Variants in GPC6 observed in about 807,000 individuals in gnomAD.
GPC6 encodes the protein glypican 6.
In GPC6, 14 loss-of-function variants were observed where a neutral mutation model predicts 55.2. The ratio of observed to expected loss-of-function variants is 0.25; its 90% CI spans 0.17 to 0.40. The LOEUF (loss-of-function observed/expected upper bound fraction) is 0.40, where lower values mean the gene tolerates loss of function less well. Among genes scored for constraint, GPC6 ranks in the 10% least tolerant of loss-of-function variants. The pLI, the probability that GPC6 is intolerant of heterozygous loss-of-function variation, is 1.00. For missense variants in GPC6, 641 were observed against 708.5 expected (o/e 0.90, Z 1.08); for synonymous variants, 278 against 259.6 (o/e 1.07, Z -0.68).
At chr13:94,308,672 A>AT (rs1284088148) in intron 6 of GPC6, among the ~76,000 whole-genome samples, 4 of 152,122 alleles carry the variant, frequency 2.6e-5, no homozygotes, top group African/African-American at 7.2e-5. Flanking sequence ...AGTTTTACTG[A>AT]TTTTTTTATT....
At chr13:94,184,278 G>A (rs7986062) in intron 4 of GPC6, among the ~76,000 whole-genome samples, 20 of 151,604 alleles carry the variant, frequency 1.3e-4, no homozygotes, top group African/African-American at 4.8e-4. Flanking sequence ...TTGACAAGGG[G>A]GACCTAATTA....
rs568252589 is a variant in GPC6, at chr13:93,278,024, T to C, written c.160+50408T>C. On this transcript the variant is annotated intron_variant, in intron 1 of 8. Transcript: ENST00000377047. ...TTTACTATAGTTCCTGGAAAGAGTA[T>C]ATTGATACTGTAATAATATTTGTTT... Among the ~76,000 whole-genome samples the C allele has an allele frequency of 1.8e-4, 27 of 152,320 alleles. No homozygotes were observed. The South Asian group carries it at 3.5e-3, about 20-fold the overall frequency.
At chr13:93,563,049 G>T (rs1875891493) in intron 2 of GPC6, among the ~76,000 whole-genome samples, 1 of 152,162 alleles carries the variant, frequency 6.6e-6, no homozygotes, top group Non-Finnish European at 1.5e-5. Context: ...TCAGCAATGG[G>T]ATTCTCAGGC....
intron 1 of GPC6, among the ~76,000 whole-genome samples, chr13:93,529,476 A>G (rs1048197584): frequency 1.3e-5 from 2 of 149,082 alleles, no homozygotes; most frequent in Admixed American, 6.7e-5. Context: ...ACCTCAAAAC[A>G]TAGATGCTTC....
In GPC6 at chr13:93,443,692, C is replaced by A. The variant is rs186727671; in HGVS notation, c.161-101571C>A. Among the ~76,000 whole-genome samples the A allele has an allele frequency of 3.4e-4, 51 of 152,222 alleles. 1 individual carries two copies. The highest frequency in any genetic ancestry group is 3.4e-3 in the Middle Eastern group (1 of 292). ...TGTTAGTCTGAGGTTATTGATTTCA[C>A]AAATAATTGGTGTTTCTGGGACTGT... On this transcript the variant is annotated intron_variant, in intron 1 of 8. Coordinates refer to ENST00000377047, the MANE Select transcript of GPC6 (RefSeq NM_005708.5).
At chr13:94,225,235 G>A (rs1244503653) in intron 4 of GPC6, among the ~76,000 whole-genome samples, 1 of 152,004 alleles carries the variant, frequency 6.6e-6, no homozygotes, top group Admixed American at 6.6e-5. Context: ...CTGCTACTGA[G>A]GGCTTCATCA....
chr13:93,628,149 T>A (rs1363073639), intron 2 of GPC6, among the ~76,000 whole-genome samples: 1 of 152,182 alleles, frequency 6.6e-6, no homozygotes, highest in Non-Finnish European at 1.5e-5. Flanking sequence ...GTTAGTTGAT[T>A]GCATGATTGT....
At chr13:93,856,854 G>A (rs917951736) in intron 3 of GPC6, among the ~76,000 whole-genome samples, 2 of 151,538 alleles carry the variant, frequency 1.3e-5, no homozygotes, top group Admixed American at 6.6e-5. Context: ...CTGGTTCATT[G>A]TGCCTCCATT....
At position 93,771,641 on chromosome 13, in the gene GPC6, G is replaced by T. The variant is rs1240880123; in HGVS notation, c.320-58513G>T. 4.6e-5 allele frequency among the ~76,000 whole-genome samples: 7 copies of T among 152,120 alleles called. No individual in the cohort carries two copies. The South Asian group carries it at 6.2e-4, about 14-fold the overall frequency. On this transcript the variant is annotated intron_variant, in intron 2 of 8. Transcript: ENST00000377047. ...AATGCTAGATGACGAGTTAGTGGGT[G>T]CAGTGCACCAGCATGGCACATGTAT...
chr13:93,647,687 C>T (rs147302416), intron 2 of GPC6, among the ~76,000 whole-genome samples: 120 of 152,260 alleles, frequency 7.9e-4, no homozygotes, highest in Non-Finnish European at 1.5e-3. Context: ...ATAACTGTCA[C>T]GTCAAATCAC....
chr13:93,780,979 A>G (rs1394148028), intron 2 of GPC6, among the ~76,000 whole-genome samples: 1 of 152,126 alleles, frequency 6.6e-6, no homozygotes, highest in African/African-American at 2.4e-5. Context: ...CTTACAGACT[A>G]AAAGAAATAT....
chr13:94,407,473 T>C lies in GPC6; in HGVS notation c.*4256T>C, dbSNP rs1360512537. On this transcript the variant is annotated 3_prime_UTR_variant, in exon 9 of 9. Transcript: ENST00000377047. ...TCAGAGCCATGGAATTTTTTGTGTT[T>C]GAGACATTTTTAGAAGCTTCAATAT... The C allele has an allele frequency of 6.6e-6, 1 of 152,120 alleles. No homozygotes were observed. The highest frequency in any genetic ancestry group is 1.5e-5 in the Non-Finnish European group (1 of 67,986). 9.4% of individuals were successfully genotyped at this position (152,120 alleles called of 1,614,324 possible).
At chr13:93,552,829 T>G (rs182432570) in intron 2 of GPC6, among the ~76,000 whole-genome samples, 124 of 152,324 alleles carry the variant, frequency 8.1e-4, no homozygotes, top group African/African-American at 2.8e-3. Context: ...CAAGTATCCT[T>G]TCTCTGACAG....
chr13:93,305,966 A>G (rs1166324060), intron 1 of GPC6, among the ~76,000 whole-genome samples: 1 of 152,216 alleles, frequency 6.6e-6, no homozygotes, highest in Non-Finnish European at 1.5e-5. Context: ...GATTACCAAA[A>G]GATTAAGGTA....
At chr13:94,301,268 G>C (rs1181555907) in intron 5 of GPC6, among the ~76,000 whole-genome samples, 1 of 152,166 alleles carries the variant, frequency 6.6e-6, no homozygotes, top group East Asian at 1.9e-4. Flanking sequence ...TGGTTGGCAT[G>C]CACCTGTGGT....
intron 4 of GPC6, among the ~76,000 whole-genome samples, chr13:94,123,489 T>C (rs1209956584): frequency 1.3e-5 from 2 of 152,120 alleles, no homozygotes; most frequent in Non-Finnish European, 2.9e-5. Flanking sequence ...CCTTGTTCTT[T>C]AATAGTCATC....
intron 5 of GPC6, among the ~76,000 whole-genome samples, chr13:94,300,543 A>G (rs1875594396): frequency 6.6e-6 from 1 of 152,168 alleles, no homozygotes. Flanking sequence ...CTTCTGAGAC[A>G]TTATCTTAGT....
intron 2 of GPC6, among the ~76,000 whole-genome samples, chr13:93,645,179 T>G (rs1207545193): frequency 1.3e-5 from 2 of 151,592 alleles, no homozygotes; most frequent in African/African-American, 4.8e-5. Flanking sequence ...ACTGTTCAGA[T>G]TCTTTGAAAA....
intron 1 of GPC6, among the ~76,000 whole-genome samples, chr13:93,319,785 G>A (rs1306169383): frequency 6.6e-6 from 1 of 151,958 alleles, no homozygotes. Flanking sequence ...CAGAACGCTA[G>A]GCATGAAGAC....
Sources: gnomAD v4.1 joint callset for allele counts (sites outside exome capture counted in the v4.1 genomes callset) on GRCh38, gnomAD v4.1.1 for gene constraint, MANE v1.5 for transcripts, NCBI Gene and HGNC (gene_info 2026-07-23, HGNC 2026-07-21) for gene names.